Variants in VPS13D observed in about 807,000 individuals in gnomAD.
VPS13D encodes the protein intermembrane lipid transfer protein VPS13D.
A neutral mutation model predicts 461.9 loss-of-function variants in VPS13D; 187 were observed. The observed-to-expected ratio is 0.40, with a 90% CI of 0.36 to 0.46. The LOEUF is 0.46. Among genes scored for constraint, VPS13D ranks in the 20% least tolerant of loss-of-function variants. The pLI is 0.60. For missense variants in VPS13D, 4,711 were observed against 5,364.9 expected (o/e 0.88, Z 3.81); for synonymous variants, 1,951 against 1,986.3 (o/e 0.98, Z 0.47).
chr1:12,354,976 A>T (rs1226504385), intron 47 of VPS13D, among the ~76,000 whole-genome samples: 1 of 152,248 alleles, frequency 6.6e-6, no homozygotes, highest in African/African-American at 2.4e-5. Flanking sequence ...ATCACAGCAG[A>T]TTCAGAGAGA....
intron 1 of VPS13D, among the ~76,000 whole-genome samples, chr1:12,230,610 A>C (rs546121609): frequency 6.6e-6 from 1 of 152,086 alleles, no homozygotes; most frequent in South Asian, 2.1e-4. Flanking sequence ...GTTCTCTAGA[A>C]TGCCTTAGCC....
chr1:12,291,424 T>C (rs140563335), intron 23 of VPS13D, among the ~76,000 whole-genome samples: 578 of 152,162 alleles, frequency 3.8e-3, no homozygotes, highest in Non-Finnish European at 6.6e-3. Context: ...AAGCCAGGAG[T>C]TCGAGACCAC....
At chr1:12,371,226 C>T (rs1457495507) in intron 54 of VPS13D, among the ~76,000 whole-genome samples, 1 of 152,096 alleles carries the variant, frequency 6.6e-6, no homozygotes, top group Non-Finnish European at 1.5e-5. Context: ...TCCCTGTCTC[C>T]AGCCGCAGGA....
At chr1:12,369,414 A>C (rs912082948) in intron 53 of VPS13D, 53 bp from the exon 54 acceptor site, 6 of 1,549,304 alleles carry the variant, frequency 3.9e-6, no homozygotes, top group African/African-American at 1.4e-5. Context: ...CTCACTTTTC[A>C]GTAACCCCAC....
chr1:12,400,962 G>GCGCACGCACA (rs1253464149), intron 61 of VPS13D, among the ~76,000 whole-genome samples: 15 of 106,218 alleles, frequency 1.4e-4, no homozygotes, highest in African/African-American at 5.1e-4. Context: ...CTGCGCGCGC[G>GCGCACGCACA]CACACACACA....
intron 30 of VPS13D, among the ~76,000 whole-genome samples, chr1:12,315,724 C>G (rs1642868876): frequency 6.6e-6 from 1 of 152,188 alleles, no homozygotes; most frequent in African/African-American, 2.4e-5. Flanking sequence ...TGATTGCAGT[C>G]ATGTGATAAG....
intron 13 of VPS13D, among the ~76,000 whole-genome samples, chr1:12,262,785 C>T (rs527433454): frequency 4.0e-5 from 6 of 151,714 alleles, no homozygotes; most frequent in Admixed American, 2.0e-4. Context: ...CTCACTGCAA[C>T]CTCTGCCTCT....
At chr1:12,491,457 G>A (rs1475410390) in intron 67 of VPS13D, among the ~76,000 whole-genome samples, 1 of 152,204 alleles carries the variant, frequency 6.6e-6, no homozygotes, top group Admixed American at 6.5e-5. Flanking sequence ...AATAATTAAT[G>A]CCTGGCTAAA....
intron 63 of VPS13D, among the ~76,000 whole-genome samples, chr1:12,413,515 C>A (rs967186137): frequency 3.9e-5 from 6 of 152,086 alleles, no homozygotes; most frequent in African/African-American, 1.4e-4. Context: ...CTCTGTCACC[C>A]AGGCTAAGTA....
chr1:12,477,014 T>G (rs1645639255), intron 67 of VPS13D, among the ~76,000 whole-genome samples: 1 of 152,242 alleles, frequency 6.6e-6, no homozygotes. Flanking sequence ...GACCACTGGC[T>G]TCACTGAACC....
chr1:12,242,475 G>A, intron 2 of VPS13D, 38 bp from the exon 3 acceptor site: 2 of 1,586,714 alleles, frequency 1.3e-6, no homozygotes, highest in South Asian at 1.1e-5. Context: ...TACTGTATTT[G>A]TTAAATGGAT....
intron 25 of VPS13D, among the ~76,000 whole-genome samples, chr1:12,302,157 T>TA (rs1378330102): frequency 6.6e-6 from 1 of 152,230 alleles, no homozygotes; most frequent in Middle Eastern, 3.2e-3. Context: ...ATAGAAAAGA[T>TA]ACAATAAAAA....
intron 17 of VPS13D, 89 bp downstream of exon 17, chr1:12,271,213 A>G: frequency 6.6e-7 from 1 of 1,514,772 alleles, no homozygotes; most frequent in Non-Finnish European, 9.1e-7. Flanking sequence ...AGATAGGCTT[A>G]CTTATATCAA....
At chr1:12,343,084 AAG>A in intron 42 of VPS13D, 33 bp downstream of exon 42, 1 of 1,561,814 alleles carries the variant, frequency 6.4e-7, no homozygotes, top group South Asian at 1.2e-5. Flanking sequence ...CTTTAAAAAA[AAG>A]AAAGTGGATG....
At chr1:12,321,262 A>G (rs970579561) in intron 32 of VPS13D, among the ~76,000 whole-genome samples, 2 of 152,178 alleles carry the variant, frequency 1.3e-5, no homozygotes, top group African/African-American at 2.4e-5. Context: ...ATTTTTAATT[A>G]TGAAGATATT....
chr1:12,504,705 C>A (rs960181905), intron 68 of VPS13D, among the ~76,000 whole-genome samples: 4 of 152,218 alleles, frequency 2.6e-5, no homozygotes, highest in Admixed American at 2.6e-4. Context: ...CGGAGGGCGT[C>A]CCAGCTCAGA....
intron 65 of VPS13D, among the ~76,000 whole-genome samples, chr1:12,449,295 A>G (rs1433939936): frequency 6.6e-6 from 1 of 152,080 alleles, no homozygotes; most frequent in African/African-American, 2.4e-5. Context: ...TCCATAACCA[A>G]GTAGAACTGA....
At chr1:12,365,787 C>G (rs913726739) in intron 52 of VPS13D, among the ~76,000 whole-genome samples, 7 of 151,864 alleles carry the variant, frequency 4.6e-5, no homozygotes, top group African/African-American at 1.7e-4. Context: ...TGTTTAGAAG[C>G]AAAATTTAAT....
rs187489011 is a variant in VPS13D, at chr1:12,362,186, G to A, written c.10142-534G>A. On this transcript the variant is annotated intron_variant, in intron 50 of 69. Transcript: ENST00000620676. The stretch of plus-strand genomic sequence containing the variant: ...CCATGAATAAGTTCTATAGTACTTA[G>A]CATTATGTTTGAGCTGGATTCTTGG... Among the ~76,000 whole-genome samples the A allele has an allele frequency of 1.5e-3, 234 of 152,272 alleles. 1 individual carries two copies. The highest frequency in any genetic ancestry group is 5.0e-3 in the African/African-American group (209 of 41,552).
Sources: allele counts gnomAD v4.1 joint callset (sites outside exome capture counted in the v4.1 genomes callset), GRCh38; gene constraint gnomAD v4.1.1; transcripts MANE v1.5; gene names NCBI Gene and HGNC (gene_info 2026-07-23, HGNC 2026-07-21).